TTC27: variants seen among roughly 807,000 people sequenced by gnomAD.
TTC27 encodes the protein tetratricopeptide repeat domain 27.
TTC27 carries 79 observed loss-of-function variants against 115.9 expected under a neutral mutation model. The ratio of observed to expected loss-of-function variants is 0.68; its 90% CI spans 0.57 to 0.82. TTC27 has a LOEUF of 0.82. TTC27 is among the 40% of genes least tolerant of loss of function. The pLI, the probability that TTC27 is intolerant of heterozygous loss-of-function variation, is 0.00. For synonymous variants in TTC27, 401 were observed against 356.0 expected, an observed-to-expected ratio of 1.13 and a Z score of -1.42; for missense variants, 1,054 against 993.1, an observed-to-expected ratio of 1.06 and a Z score of -0.82.
At chr2:32,775,100 G>A (rs1375435001) in intron 13 of TTC27, among the ~76,000 whole-genome samples, 1 of 152,214 alleles carries the variant, frequency 6.6e-6, no homozygotes, top group Non-Finnish European at 1.5e-5. Context: ...GAGCTAGAAG[G>A]TAATTGCTAA....
At chr2:32,727,750 TG>T (rs1233655749) in intron 10 of TTC27, among the ~76,000 whole-genome samples, 1 of 152,186 alleles carries the variant, frequency 6.6e-6, no homozygotes, top group East Asian at 1.9e-4. Context: ...TGTTTTGTTT[TG>T]TTTTGGAAAA....
At chr2:32,708,156 A>C (rs993204275) in intron 10 of TTC27, among the ~76,000 whole-genome samples, 2 of 152,016 alleles carry the variant, frequency 1.3e-5, no homozygotes, top group Non-Finnish European at 2.9e-5. Context: ...AGACAGCAAG[A>C]CCAATTCCTC....
intron 4 of TTC27, among the ~76,000 whole-genome samples, chr2:32,642,694 C>G (rs2710633): frequency 0.99 from 150,923 of 152,140 alleles, 74,876 homozygotes; most frequent in Middle Eastern, 1. Flanking sequence ...TTAAGACAGG[C>G]TCTGGCCCCG....
In TTC27 at chr2:32,796,212, C is replaced by T. The variant is rs186048267; in HGVS notation, c.1998+9063C>T. The stretch of plus-strand genomic sequence containing the variant: ...ATGAAAACAATTCCATTTACAATAG[C>T]ATAAAAAATACTTTGGAATTAAGTT... On this transcript the variant is annotated intron_variant, in intron 16 of 19. Coordinates refer to ENST00000317907, the MANE Select transcript of TTC27 (RefSeq NM_017735.5). 1.9e-3 allele frequency among the ~76,000 whole-genome samples: 284 copies of T among 151,990 alleles called. 3 individuals carry two copies. Among genetic ancestry groups the T allele is most frequent in the African/African-American group, 6.5e-3 (270 of 41,432 alleles).
chr2:32,811,009 C>G lies in TTC27; in HGVS notation c.1999-15C>G, dbSNP rs1005688139. 8 of 1,613,636 alleles carry G rather than the reference C, an allele frequency of 5.0e-6. No individual in the cohort carries two copies. The highest frequency in any genetic ancestry group is 1.7e-5 in the Admixed American group (1 of 60,004). On this transcript the variant is annotated splice_polypyrimidine_tract_variant and intron_variant, in intron 16 of 19. Transcript: ENST00000317907. ...TTGGTTTCTAACTTACCAGTTTGTT[C>G]TGTGCATTTTTAAGGTCCTTAAAAT...
At position 32,708,304 on chromosome 2, in the gene TTC27, G is replaced by GTTTTTTTTTTTTTTTTTTTTTTTTT. The variant is rs1158508588; in HGVS notation, c.1233+5406_1233+5407insTTTTTTTTTTTTTTTTTTTTTTTTT. Among the ~76,000 whole-genome samples, 15 of 61,352 alleles carry GTTTTTTTTTTTTTTTTTTTTTTTTT rather than the reference G, an allele frequency of 2.4e-4. 3 individuals are homozygous for GTTTTTTTTTTTTTTTTTTTTTTTTT. Among genetic ancestry groups the GTTTTTTTTTTTTTTTTTTTTTTTTT allele is most frequent in the Non-Finnish European group, 3.7e-4 (12 of 32,168 alleles). The allele number at this position is 61,352 out of a possible 152,430, so 40.2% of individuals were successfully genotyped here. A position where few individuals can be genotyped will look rare whatever the true frequency, so the allele number is the denominator to read the frequency against. ...AATAGCGTTTTCTTTTCTCTACCTT[G>GTTTTTTTTTTTTTTTTTTTTTTTTT]TTTTTTTTTTTTTTTTTTTTTTAAT... On this transcript the variant is annotated intron_variant, in intron 10 of 19. Transcript: ENST00000317907.
chr2:32,766,344 A>G (rs1462739387), intron 13 of TTC27: 7 of 209,014 alleles, frequency 3.3e-5, no homozygotes, highest in Middle Eastern at 3.3e-3. Context: ...TCTGTGATCC[A>G]CAGTCCCTCA....
intron 7 of TTC27, among the ~76,000 whole-genome samples, chr2:32,670,530 TTTAAG>T (rs1198848829): frequency 6.6e-6 from 1 of 152,196 alleles, no homozygotes; most frequent in Non-Finnish European, 1.5e-5. Flanking sequence ...TTGGTGGACA[TTTAAG>T]TTATTTCTAG....
At chr2:32,728,839 G>A (rs1207924479) in intron 10 of TTC27, among the ~76,000 whole-genome samples, 2 of 152,116 alleles carry the variant, frequency 1.3e-5, no homozygotes, top group Non-Finnish European at 2.9e-5. Flanking sequence ...TGTTCCCATT[G>A]GCAATTTTCT....
intron 4 of TTC27, 116 bp downstream of exon 4, chr2:32,640,526 G>A: frequency 9.3e-7 from 1 of 1,080,320 alleles, no homozygotes; most frequent in Non-Finnish European, 1.3e-6. Context: ...AAGTCTTCTA[G>A]GTATGTAATT....
At position 32,630,573 on chromosome 2, in the gene TTC27, T is replaced by G; in HGVS notation, c.139T>G (p.Phe47Val). 6.2e-7 allele frequency: 1 copy of G among 1,613,242 alleles called. No individual in the cohort carries two copies. ...LLLEGNYEAI[F>V]LNSMTQNIFN... The stretch of plus-strand genomic sequence containing the variant: ...ACTGGAAGGGAACTATGAAGCCATA[T>G]TCTTAAATTCAATGACTCAAAATAT... Residue 47 changes from phenylalanine (F) to valine (V), a missense_variant, in exon 2 of 20, where the codon TTC becomes GTC. Phe to Val is a conservative substitution (Grantham distance 50). Coordinates refer to ENST00000317907, the MANE Select transcript of TTC27 (RefSeq NM_017735.5).
In TTC27 at chr2:32,635,765, TG is replaced by T. The variant is rs113841002; in HGVS notation, c.396+1767del. Reference sequence around the variant, plus strand: ...TTAGAGATATGTGTTAATAATTTGATGGGGGGGTAGAAAGAGAAGAAGTGCA... The same window carrying T: ...TTAGAGATATGTGTTAATAATTTGATGGGGGGTAGAAAGAGAAGAAGTGCA... On this transcript the variant is annotated intron_variant, in intron 3 of 19. Coordinates refer to ENST00000317907, the MANE Select transcript of TTC27 (RefSeq NM_017735.5). Among the ~76,000 whole-genome samples the T allele has an allele frequency of 7.1e-3, 1,083 of 152,098 alleles. 17 individuals are homozygous for T. Among genetic ancestry groups the T allele is most frequent in the African/African-American group, 0.025 (1,026 of 41,500 alleles).
intron 10 of TTC27, among the ~76,000 whole-genome samples, chr2:32,708,326 T>TTA (rs1169300608): frequency 7.0e-6 from 1 of 142,250 alleles, no homozygotes; most frequent in African/African-American, 2.7e-5. Context: ...TTTTTTTTTT[T>TTA]AATGAGATGG....
At chr2:32,738,259 G>T (rs773224460) in intron 12 of TTC27, among the ~76,000 whole-genome samples, 38 of 152,104 alleles carry the variant, frequency 2.5e-4, no homozygotes, top group African/African-American at 9.2e-4. Context: ...TGTGATGTTG[G>T]ACAAGTTGCT....
At chr2:32,806,390 G>T (rs1360937574) in intron 16 of TTC27, among the ~76,000 whole-genome samples, 1 of 152,130 alleles carries the variant, frequency 6.6e-6, no homozygotes, top group East Asian at 1.9e-4. Context: ...CTAAAGAAAG[G>T]TTATATATAT....
rs1038224251 is a variant in TTC27, at chr2:32,798,737, T to C, written c.1998+11588T>C. Among the ~76,000 whole-genome samples the C allele has an allele frequency of 3.3e-5, 5 of 149,738 alleles. No individual in the cohort carries two copies. The East Asian group carries it at 7.8e-4, about 23-fold the overall frequency. Reference sequence around the variant, plus strand: ...AAAATAATAATAATAATAATAATAATAAGTGTTGACAAGGACATGGAGAAA... The same window carrying C: ...AAAATAATAATAATAATAATAATAACAAGTGTTGACAAGGACATGGAGAAA... On this transcript the variant is annotated intron_variant, in intron 16 of 19. Transcript: ENST00000317907.
intron 6 of TTC27, 148 bp from the exon 7 acceptor site, chr2:32,666,487 A>T: frequency 1.3e-6 from 1 of 741,044 alleles, no homozygotes; most frequent in Non-Finnish European, 1.9e-6. Flanking sequence ...TAAGTCATTT[A>T]AAACCTGAGG....
At chr2:32,670,370 G>A (rs558027976) in intron 7 of TTC27, among the ~76,000 whole-genome samples, 10 of 152,240 alleles carry the variant, frequency 6.6e-5, no homozygotes, top group African/African-American at 2.2e-4. Flanking sequence ...AAAGAGTGCC[G>A]CCATAGTTCT....
intron 14 of TTC27, among the ~76,000 whole-genome samples, chr2:32,778,315 A>G (rs1670066610): frequency 6.6e-6 from 1 of 152,114 alleles, no homozygotes; most frequent in Non-Finnish European, 1.5e-5. Flanking sequence ...GAGTCTTTTT[A>G]TATTTGATAG....
Sources: gnomAD v4.1 joint callset for allele counts (sites outside exome capture counted in the v4.1 genomes callset) on GRCh38, gnomAD v4.1.1 for gene constraint, MANE v1.5 for transcripts, NCBI Gene and HGNC (gene_info 2026-07-23, HGNC 2026-07-21) for gene names.